KIR3DL1: variants seen among roughly 807,000 people sequenced by gnomAD.
KIR3DL1 encodes killer cell immunoglobulin-like receptor 3DL1.
KIR3DL1 carries 50 observed loss-of-function variants against 40.3 expected under a neutral mutation model. The observed-to-expected ratio is 1.24, with a 90% CI of 0.99 to 1.57. The LOEUF is 1.57. Ranked by LOEUF, KIR3DL1 falls within the 40% of genes most tolerant of loss-of-function variation. The pLI, the probability that KIR3DL1 is intolerant of heterozygous loss-of-function variation, is 0.00. For missense variants in KIR3DL1, 661 were observed against 559.9 expected, an observed-to-expected ratio of 1.18 and a Z score of -1.82; for synonymous variants, 257 against 207.2, an observed-to-expected ratio of 1.24 and a Z score of -2.07.
At chr19:54,830,209 A>G (rs1294675874) in exon 9 of KIR3DL1, 3 of 1,523,974 alleles carry the variant, frequency 2.0e-6, no homozygotes, top group African/African-American at 2.8e-5. Context: ...CACCCCCTAC[A>G]GATACCATCT....
intron 6 of KIR3DL1, among the ~76,000 whole-genome samples, chr19:54,828,895 T>A (rs2062050293): frequency 7.1e-6 from 1 of 141,236 alleles, no homozygotes; most frequent in Non-Finnish European, 1.6e-5. Context: ...AAGGAGGGTC[T>A]GTCTGTGCAG....
chr19:54,821,962 A>G, intron 5 of KIR3DL1, 104 bp downstream of exon 5: 1 of 1,378,556 alleles, frequency 7.3e-7, no homozygotes, highest in South Asian at 1.2e-5. Flanking sequence ...CAGAGAGAAG[A>G]CACAGCAGGT....
chr19:54,825,313 G>T (rs1450069547), intron 6 of KIR3DL1, among the ~76,000 whole-genome samples: 1 of 150,870 alleles, frequency 6.6e-6, no homozygotes, highest in African/African-American at 2.5e-5. Context: ...AAGAATGATT[G>T]CCAATCTGAC....
intron 3 of KIR3DL1, 100 bp from the exon 4 acceptor site, chr19:54,819,611 GGA>G: frequency 1.5e-6 from 2 of 1,357,680 alleles, no homozygotes; most frequent in Non-Finnish European, 2.0e-6. Context: ...CAGAGAGGGA[GGA>G]GAGAGACAGA....
chr19:54,827,445 C>T (rs2061962564), intron 6 of KIR3DL1, among the ~76,000 whole-genome samples: 1 of 144,582 alleles, frequency 6.9e-6, no homozygotes, highest in Non-Finnish European at 1.5e-5. Context: ...AACCCTATCT[C>T]TCCTAAAAAT....
In KIR3DL1 at chr19:54,830,288, G is replaced by A. The variant is rs759806488; in HGVS notation, c.*13G>A. On this transcript the variant is annotated 3_prime_UTR_variant, in exon 9 of 9. Transcript: ENST00000391728. ...CTCCTGCCCATGAGCACCACAGTCA[G>A]GCCTTGAGGACGTCTTCTAGGGAGA... The A allele has an allele frequency of 8.8e-5, 134 of 1,521,982 alleles. 32 individuals are homozygous for A. In the South Asian group the frequency reaches 1.6e-3, roughly 18 times the overall value. The allele number at this position is 1,521,982 out of a possible 1,614,324, so 94.3% of individuals were successfully genotyped here. A position where few individuals can be genotyped will look rare whatever the true frequency, so the allele number is the denominator to read the frequency against.
rs2061445953 is a variant in KIR3DL1 at position 54,818,215 on chromosome 19, G to T, written c.71-100G>T. 4 of 1,333,608 alleles carry T rather than the reference G, an allele frequency of 3.0e-6. No individual in the cohort carries two copies. The South Asian group carries it at 5.2e-5, about 17-fold the overall frequency. 82.6% of individuals were successfully genotyped at this position (1,333,608 alleles called of 1,614,324 possible). ...TAGCCCTGGGCACCCAGGTGTGGTAGGAGCCTTAGAAAGTGGAAATGGGGA... is the reference window on the plus strand; with the variant it reads ...TAGCCCTGGGCACCCAGGTGTGGTATGAGCCTTAGAAAGTGGAAATGGGGA... On this transcript the variant is annotated intron_variant, in intron 2 of 8. Coordinates refer to ENST00000391728, the Ensembl canonical transcript of KIR3DL1.
At chr19:54,820,088 G>A (rs1320821056) in intron 4 of KIR3DL1, 76 bp downstream of exon 4, 3 of 1,470,416 alleles carry the variant, frequency 2.0e-6, no homozygotes, top group Non-Finnish European at 2.8e-6. Flanking sequence ...ACCCCCAGGT[G>A]GTCATGAGGA....
intron 4 of KIR3DL1, among the ~76,000 whole-genome samples, chr19:54,820,410 A>C (rs1394798466): frequency 6.6e-6 from 1 of 151,564 alleles, no homozygotes; most frequent in Non-Finnish European, 1.5e-5. Flanking sequence ...TTCTGACCTG[A>C]GTTGGGCCCT....
chr19:54,816,678 T>C, intron 1 of KIR3DL1, 144 bp downstream of exon 1: 2 of 1,362,532 alleles, frequency 1.5e-6, no homozygotes, highest in Non-Finnish European at 2.0e-6. Context: ...GGAGTGGAGA[T>C]CTGGGCCTGG....
intron 4 of KIR3DL1, among the ~76,000 whole-genome samples, chr19:54,820,535 G>A (rs565082779): frequency 1.3e-5 from 2 of 151,500 alleles, no homozygotes; most frequent in Admixed American, 6.6e-5. Context: ...ACCAACCCCT[G>A]TATGCTGTGT....
intron 5 of KIR3DL1, among the ~76,000 whole-genome samples, chr19:54,823,637 A>G (rs1601379601): frequency 6.6e-6 from 1 of 151,392 alleles, no homozygotes; most frequent in African/African-American, 2.4e-5. Context: ...AGCTGGGATT[A>G]CAGGCATGTG....
intron 3 of KIR3DL1, 66 bp downstream of exon 3, chr19:54,818,665 G>C (rs79111375): frequency 0.23 from 359,199 of 1,553,904 alleles, 43,542 homozygotes; most frequent in South Asian, 0.32. Context: ...TCTGGTGGGG[G>C]TGTCCGTCAG....
chr19:54,828,449 A>C lies in KIR3DL1; in HGVS notation c.1001-912A>C, dbSNP rs2062023800. ...CACACAGAGAATACGTTACATAGGCAGGTTCATTACTAACAGATAAGCAGC... is the reference window on the plus strand; with the variant it reads ...CACACAGAGAATACGTTACATAGGCCGGTTCATTACTAACAGATAAGCAGC... On this transcript the variant is annotated intron_variant, in intron 6 of 8. Coordinates refer to ENST00000391728, the Ensembl canonical transcript of KIR3DL1. Among the ~76,000 whole-genome samples the C allele has an allele frequency of 1.9e-4, 28 of 151,236 alleles. 1 individual carries two copies. The South Asian group carries it at 5.7e-3, about 31-fold the overall frequency.
chr19:54,823,980 T>C (rs1363413592), intron 5 of KIR3DL1, among the ~76,000 whole-genome samples: 2 of 151,362 alleles, frequency 1.3e-5, no homozygotes, highest in Non-Finnish European at 2.9e-5. Flanking sequence ...GAGCTTCTTA[T>C]ATTTCCAGTT....
intron 6 of KIR3DL1, among the ~76,000 whole-genome samples, chr19:54,827,075 G>T (rs2148177593): frequency 6.6e-6 from 1 of 151,736 alleles, no homozygotes; most frequent in South Asian, 2.1e-4. Flanking sequence ...GGTGAAATGT[G>T]GTGCTGATTT....
chr19:54,827,280 T>C (rs1467789753), intron 6 of KIR3DL1, among the ~76,000 whole-genome samples: 3 of 151,184 alleles, frequency 2.0e-5, no homozygotes, highest in Non-Finnish European at 4.4e-5. Flanking sequence ...GTGGTGGAAA[T>C]GAAGGGACCT....
At chr19:54,822,022 C>T (rs2061665765) in intron 5 of KIR3DL1, among the ~76,000 whole-genome samples, 164 bp downstream of exon 5, 1 of 151,242 alleles carries the variant, frequency 6.6e-6, no homozygotes, top group East Asian at 1.9e-4. Flanking sequence ...CCTCCAAACC[C>T]TCCTTCATGG....
intron 5 of KIR3DL1, 107 bp from the exon 6 acceptor site, chr19:54,824,921 C>A: frequency 2.0e-6 from 2 of 994,980 alleles, no homozygotes; most frequent in Non-Finnish European, 3.1e-6. Flanking sequence ...CTCCCAGGGT[C>A]CAACATTAGA....
Sources: allele counts gnomAD v4.1 joint callset (sites outside exome capture counted in the v4.1 genomes callset), GRCh38; gene constraint gnomAD v4.1.1; transcripts MANE v1.5; gene names NCBI Gene and HGNC (gene_info 2026-07-23, HGNC 2026-07-21).